FAM234A: variants seen among roughly 807,000 people sequenced by gnomAD.
FAM234A encodes protein FAM234A.
A neutral mutation model predicts 49.1 loss-of-function variants in FAM234A; 42 were observed. The observed-to-expected ratio is 0.86, with a 90% CI of 0.67 to 1.11. FAM234A has a LOEUF of 1.11. Among genes scored for constraint, FAM234A ranks in the 50% least tolerant of loss-of-function variants. FAM234A has a pLI of 0.00. For missense variants in FAM234A, 815 were observed against 745.2 expected (o/e 1.09, Z -1.09); for synonymous variants, 369 against 316.2 (o/e 1.17, Z -1.77).
chr16:259,076 C>T (rs886283287), intron 3 of FAM234A, among the ~76,000 whole-genome samples: 1 of 152,118 alleles, frequency 6.6e-6, no homozygotes, highest in African/African-American at 2.4e-5. Context: ...GCACCTTGCC[C>T]GGCCAACTTC....
rs767492129 is a variant in FAM234A at position 265,013 on chromosome 16, TGA to T, written c.1652_1653del (p.Glu551GlyfsTer32). ...GGTTCTCCCGGCTGCGGTACCAGAG[TGA>T]GGCGTAGAGGCACGCCAGCCAGAGC... ...DRFSRLRYQS[E>X]A is the part of the protein sequence containing the mutation. On this transcript the variant is annotated frameshift_variant, in exon 13 of 13. Transcript: ENST00000399932. LOFTEE classifies it high-confidence loss of function. 32 of 1,606,182 alleles carry T rather than the reference TGA, an allele frequency of 2.0e-5. No individual in the cohort carries two copies. The Admixed American group carries it at 4.5e-4, about 23-fold the overall frequency.
downstream of FAM234A, among the ~76,000 whole-genome samples, chr16:266,789 C>G (rs2051704517): frequency 6.6e-6 from 1 of 152,108 alleles, no homozygotes; most frequent in South Asian, 2.1e-4. Flanking sequence ...ATATAGGGCT[C>G]TGCGGACGCG....
At chr16:256,717 G>A (rs531343771) in intron 3 of FAM234A, among the ~76,000 whole-genome samples, 1 of 149,312 alleles carries the variant, frequency 6.7e-6, no homozygotes, top group African/African-American at 2.5e-5. Flanking sequence ...GGGATTACAG[G>A]CACAGGCTAC....
At chr16:236,654 C>A (rs1260214214) in intron 1 of FAM234A, among the ~76,000 whole-genome samples, 1 of 150,804 alleles carries the variant, frequency 6.6e-6, no homozygotes, top group Non-Finnish European at 1.5e-5. Flanking sequence ...CGCCTGTAAT[C>A]CCAGCACTTT....
Position 264,081 on chromosome 16 carries a change from G to T in FAM234A, c.1254G>T (p.Gly418=). Residue 418 remains glycine (G), a synonymous_variant, in exon 11 of 13, where the codon GGG becomes GGT. Coordinates refer to ENST00000399932, the MANE Select transcript of FAM234A (RefSeq NM_032039.4). ...GCCTAGCCCTCCCGAGCCTCCCTGG[G>T]GGTCCACTGTCCGCCAGCCTGCCGA... ...LCSLALPSLP[G]GPLSASLPTA... is the part of the protein sequence containing the mutation. 6.2e-7 allele frequency: 1 copy of T among 1,612,916 alleles called. No homozygotes were observed. The highest frequency in any genetic ancestry group is 8.5e-7 in the Non-Finnish European group (1 of 1,179,952).
In FAM234A at chr16:263,368, C is replaced by A. The variant is rs755042726; in HGVS notation, c.1078C>A (p.Pro360Thr). Residue 360 changes from proline (P) to threonine (T), a missense_variant, in exon 9 of 13, where the codon CCT becomes ACT. Physicochemically the swap from Pro to Thr is conservative, Grantham distance 38. Coordinates refer to ENST00000399932, the MANE Select transcript of FAM234A (RefSeq NM_032039.4). ...FVLLDGQELT[P>T]RWTPKAAHVL... Reference sequence around the variant, plus strand: ...GCTGCTGGACGGGCAGGAGCTGACGCCTCGCTGGACACCCAAGGCAGCCCA... The same window carrying A: ...GCTGCTGGACGGGCAGGAGCTGACGACTCGCTGGACACCCAAGGCAGCCCA... The A allele has an allele frequency of 6.2e-7, 1 of 1,611,974 alleles. No homozygotes were observed.
In FAM234A at chr16:264,923, C is replaced by A; in HGVS notation, c.1560C>A (p.Val520=). The change falls in exon 13 of 13, where the codon GTC becomes GTA. Residue 520 remains valine, a synonymous_variant. Transcript: ENST00000399932. ...SVIKHKVRDL[V]PSSRVVRLGE... ...TCAAGCACAAGGTGCGGGACCTTGT[C>A]CCAAGCAGCAGGGTGGTCCGCCTGG... The A allele has an allele frequency of 6.2e-7, 1 of 1,613,046 alleles. No homozygotes were observed. Among genetic ancestry groups the A allele is most frequent in the Admixed American group, 1.7e-5 (1 of 60,014 alleles).
intron 1 of FAM234A, among the ~76,000 whole-genome samples, chr16:238,702 G>C (rs377211053): frequency 6.6e-4 from 89 of 135,682 alleles, no homozygotes; most frequent in Middle Eastern, 5.0e-3. Flanking sequence ...GGAGGCGGAG[G>C]TTGTAGTGAG....
At chr16:250,998 C>G (rs2050978158) in intron 2 of FAM234A, among the ~76,000 whole-genome samples, 1 of 152,122 alleles carries the variant, frequency 6.6e-6, no homozygotes, top group South Asian at 2.1e-4. Flanking sequence ...CCTCTATTGC[C>G]CAGGCTGGAG....
chr16:256,838 A>G (rs900996699), intron 3 of FAM234A, among the ~76,000 whole-genome samples: 1 of 151,056 alleles, frequency 6.6e-6, no homozygotes, highest in Non-Finnish European at 1.5e-5. Context: ...CACCTCCCAG[A>G]TTCAAGTGAT....
downstream of FAM234A, among the ~76,000 whole-genome samples, chr16:267,577 C>A (rs113719356): frequency 0.016 from 1,928 of 118,786 alleles, 1 homozygote; most frequent in East Asian, 0.047. Flanking sequence ...ACGTGCACTA[C>A]ACACAATCAC....
At chr16:244,391 T>C (rs1398267813) in intron 1 of FAM234A, among the ~76,000 whole-genome samples, 5 of 152,174 alleles carry the variant, frequency 3.3e-5, no homozygotes, top group Admixed American at 6.5e-5. Flanking sequence ...AACTCCACTA[T>C]TGATATTCTT....
chr16:242,850 G>T (rs570550913), intron 1 of FAM234A, among the ~76,000 whole-genome samples: 2 of 152,104 alleles, frequency 1.3e-5, no homozygotes, highest in African/African-American at 4.8e-5. Flanking sequence ...CTGACCTTGC[G>T]ATCCACCCAC....
intron 2 of FAM234A, among the ~76,000 whole-genome samples, chr16:250,279 G>C (rs1044926419): frequency 6.6e-6 from 1 of 152,194 alleles, no homozygotes; most frequent in African/African-American, 2.4e-5. Context: ...TGGGGACATG[G>C]TGGCTAGATT....
chr16:260,096 G>A lies in FAM234A; in HGVS notation c.513G>A (p.Glu171=). The A allele has an allele frequency of 6.2e-7, 1 of 1,613,974 alleles. No homozygotes were observed. The highest frequency in any genetic ancestry group is 2.2e-5 in the East Asian group (1 of 44,882). The change falls in exon 5 of 13, where the codon GAG becomes GAA. Residue 171 remains glutamate, a synonymous_variant. Transcript: ENST00000399932. ...ECAVPQPRGS[E]APSACILVGR... is the part of the protein sequence containing the mutation. ...CTGTGCCCCAGCCAAGAGGCAGTGA[G>A]GCACCTTCTGCCTGCATCCTGGTGG...
Position 259,496 on chromosome 16 carries a change from T to C in FAM234A, c.282T>C (p.Phe94=). ...IDYSAAVIYD[F]LAVDDINGDR... is the part of the protein sequence containing the mutation. ...TTTCTCTTTCAGTTATCTATGACTT[T>C]CTGGCTGTGGATGATATAAACGGGG... The change falls in exon 4 of 13, where the codon TTT becomes TTC. Residue 94 remains phenylalanine (F), a synonymous_variant. Coordinates refer to ENST00000399932, the MANE Select transcript of FAM234A (RefSeq NM_032039.4). 6.2e-7 allele frequency: 1 copy of C among 1,601,192 alleles called. No homozygotes were observed. The highest frequency in any genetic ancestry group is 8.6e-7 in the Non-Finnish European group (1 of 1,168,508).
chr16:263,559 C>A (rs2051567071), intron 9 of FAM234A, 141 bp from the exon 10 acceptor site: 4 of 1,290,514 alleles, frequency 3.1e-6, no homozygotes, highest in African/African-American at 3.0e-5. Context: ...TGCCCCTTGC[C>A]CCAGACGTCG....
At chr16:263,431 G>GT in intron 9 of FAM234A, 29 bp downstream of exon 9, 1 of 1,601,418 alleles carries the variant, frequency 6.2e-7, no homozygotes, top group South Asian at 1.1e-5. Flanking sequence ...GACCGCGCAG[G>GT]TGCTGCACCC....
chr16:240,721 C>G (rs568655027), intron 1 of FAM234A, among the ~76,000 whole-genome samples: 1 of 152,006 alleles, frequency 6.6e-6, no homozygotes, highest in Admixed American at 6.6e-5. Context: ...AGGTTGGTCT[C>G]GCACTCCTGA....
Sources: gnomAD v4.1 joint callset for allele counts (sites outside exome capture counted in the v4.1 genomes callset) on GRCh38, gnomAD v4.1.1 for gene constraint, MANE v1.5 for transcripts, NCBI Gene and HGNC (gene_info 2026-07-23, HGNC 2026-07-21) for gene names.